RAB31: variants seen among roughly 807,000 people sequenced by gnomAD.
RAB31 encodes RAB31, member RAS oncogene family.
RAB31 carries 21 observed loss-of-function variants against 25.6 expected under a neutral mutation model. The observed-to-expected ratio is 0.82, with a 90% confidence interval of 0.58 to 1.18. The LOEUF is 1.18. RAB31 is among the 50% of genes most tolerant of loss of function. The probability of loss-of-function intolerance (pLI) is 0.00; values close to 1 mark genes in which losing one functional copy is unlikely to be tolerated. For synonymous variants in RAB31, 87 were observed against 84.0 expected (o/e 1.04, Z -0.20); for missense variants, 196 against 250.1 (o/e 0.78, Z 1.46).
At chr18:9,813,107 G>A (rs16955686) in intron 3 of RAB31, among the ~76,000 whole-genome samples, 5,566 of 152,266 alleles carry the variant, frequency 0.037, 166 homozygotes, top group East Asian at 0.08. Context: ...CCTGTCTGGG[G>A]ATGAACGATG....
At chr18:9,835,672 T>C (rs754683549) in intron 5 of RAB31, among the ~76,000 whole-genome samples, 2 of 152,340 alleles carry the variant, frequency 1.3e-5, no homozygotes, top group East Asian at 3.9e-4. Flanking sequence ...GCTTAGATCA[T>C]TGCAATGTGT....
At chr18:9,786,633 A>AACC (rs1157542048) in intron 2 of RAB31, 2 of 152,166 alleles carry the variant, frequency 1.3e-5, no homozygotes, top group Non-Finnish European at 2.9e-5. Context: ...GTGGTGGGAG[A>AACC]ACCCCCCACA....
intron 1 of RAB31, among the ~76,000 whole-genome samples, chr18:9,752,739 A>G (rs2068241799): frequency 6.6e-6 from 1 of 152,250 alleles, no homozygotes; most frequent in Non-Finnish European, 1.5e-5. Context: ...TACGCAATTT[A>G]TAAATGAATA....
At chr18:9,742,478 G>C (rs1257754076) in intron 1 of RAB31, among the ~76,000 whole-genome samples, 1 of 152,234 alleles carries the variant, frequency 6.6e-6, no homozygotes, top group African/African-American at 2.4e-5. Flanking sequence ...TGTGGGGGCT[G>C]CTTGGCTCGG....
In RAB31 at chr18:9,785,623, G is replaced by A. The variant is rs144874899; in HGVS notation, c.120-6531G>A. Among the ~76,000 whole-genome samples, 168 of 152,160 alleles carry A rather than the reference G, an allele frequency of 1.1e-3. 6 individuals carry two copies. In the East Asian group the frequency reaches 0.031, roughly 28 times the overall value. ...CCCAAGGCAGGACTCTAATCTGATC[G>A]CAGGTCATTCCAGAGAGAGTCCTGC... On this transcript the variant is annotated intron_variant, in intron 2 of 6. Coordinates refer to ENST00000578921, the MANE Select transcript of RAB31 (RefSeq NM_006868.4).
intron 3 of RAB31, 30 bp downstream of exon 3, chr18:9,792,265 A>G (rs1488163387): frequency 3.1e-6 from 5 of 1,592,476 alleles, no homozygotes; most frequent in Non-Finnish European, 4.3e-6. Flanking sequence ...TGGTGAAAAC[A>G]AGATCCAGTG....
chr18:9,800,894 A>G (rs1162974608), intron 3 of RAB31, among the ~76,000 whole-genome samples: 1 of 152,180 alleles, frequency 6.6e-6, no homozygotes, highest in Non-Finnish European at 1.5e-5. Flanking sequence ...CGAATTGTTC[A>G]ACCATCAGCA....
chr18:9,783,105 G>C (rs1388164302), intron 2 of RAB31, among the ~76,000 whole-genome samples: 1 of 152,156 alleles, frequency 6.6e-6, no homozygotes, highest in Non-Finnish European at 1.5e-5. Flanking sequence ...TGTGTGAGGT[G>C]TGCCTTCCTA....
intron 5 of RAB31, among the ~76,000 whole-genome samples, chr18:9,838,686 A>G (rs893590369): frequency 6.6e-6 from 1 of 152,154 alleles, no homozygotes; most frequent in African/African-American, 2.4e-5. Flanking sequence ...GCCCGCAAGA[A>G]TGTTGTTTCC....
intron 1 of RAB31, among the ~76,000 whole-genome samples, chr18:9,772,557 A>G (rs1778314781): frequency 1.3e-5 from 2 of 152,202 alleles, no homozygotes; most frequent in African/African-American, 4.8e-5. Context: ...GGCATGGGAA[A>G]GGGAGGGTTT....
intron 5 of RAB31, among the ~76,000 whole-genome samples, chr18:9,822,918 T>C (rs1349536028): frequency 6.6e-6 from 1 of 152,210 alleles, no homozygotes; most frequent in Non-Finnish European, 1.5e-5. Context: ...CGGGCATTTA[T>C]CCTGGAGAAA....
intron 1 of RAB31, among the ~76,000 whole-genome samples, chr18:9,771,440 T>C (rs1198981067): frequency 6.6e-6 from 1 of 152,192 alleles, no homozygotes; most frequent in East Asian, 1.9e-4. Flanking sequence ...GCCTCTCTGA[T>C]CCTGTCTCTC....
At position 9,781,368 on chromosome 18, in the gene RAB31, G is replaced by A. The variant is rs981767451; in HGVS notation, c.119+6011G>A. Among the ~76,000 whole-genome samples the A allele has an allele frequency of 8.6e-5, 13 of 152,044 alleles. 1 individual carries two copies. The highest frequency in any genetic ancestry group is 2.0e-4 in the Admixed American group (3 of 15,248). ...AGTCTTCTCTGTTGCCCATGCTGGA[G>A]CACAGTGACGCGATCTTGGCTCACT... On this transcript the variant is annotated intron_variant, in intron 2 of 6. Coordinates refer to ENST00000578921, the MANE Select transcript of RAB31 (RefSeq NM_006868.4).
At chr18:9,739,808 A>G (rs571297497) in intron 1 of RAB31, among the ~76,000 whole-genome samples, 1 of 152,278 alleles carries the variant, frequency 6.6e-6, no homozygotes, top group South Asian at 2.1e-4. Flanking sequence ...GCCACCCCTG[A>G]CTGCAAGGAA....
At chr18:9,804,370 A>G (rs2068529211) in intron 3 of RAB31, among the ~76,000 whole-genome samples, 1 of 152,070 alleles carries the variant, frequency 6.6e-6, no homozygotes, top group African/African-American at 2.4e-5. Context: ...GTAGCTTCTA[A>G]TTATGAGGCA....
Position 9,708,441 on chromosome 18 carries a change from CG to C in RAB31, c.39+1del. Reference protein sequence around the residue: ...AIRELKVCLLGDTGVGKSSIV... With the variant: ...AIRELKVCLLXDTGVGKSSIV... Reference sequence around the variant, plus strand: ...TACGGGAGCTCAAAGTGTGCCTTCTCGGGGTGAGTCCTGGCCGCCACCCGCC... The same window carrying C: ...TACGGGAGCTCAAAGTGTGCCTTCTCGGGTGAGTCCTGGCCGCCACCCGCC... On this transcript the variant is annotated frameshift_variant and splice_region_variant, in exon 1 of 7. Coordinates refer to ENST00000578921, the MANE Select transcript of RAB31 (RefSeq NM_006868.4). LOFTEE classifies it high-confidence loss of function. The surrounding 1 kb of genome is among the most constrained non-coding windows in gnomAD (Gnocchi z 6.4). 2 of 1,569,328 alleles carry C rather than the reference CG, an allele frequency of 1.3e-6. No homozygotes were observed. Among genetic ancestry groups the C allele is most frequent in the Non-Finnish European group, 1.7e-6 (2 of 1,159,454 alleles).
intron 1 of RAB31, among the ~76,000 whole-genome samples, chr18:9,733,643 G>A (rs918751380): frequency 6.6e-6 from 1 of 152,078 alleles, no homozygotes; most frequent in African/African-American, 2.4e-5. Context: ...TCCAGGATTC[G>A]GTCCACAGGT....
At chr18:9,770,252 C>G (rs748730522) in intron 1 of RAB31, among the ~76,000 whole-genome samples, 2 of 152,094 alleles carry the variant, frequency 1.3e-5, no homozygotes, top group Non-Finnish European at 2.9e-5. Flanking sequence ...GGAATAGTTT[C>G]AAAAGGAATG....
chr18:9,767,583 G>A (rs1050715689), intron 1 of RAB31, among the ~76,000 whole-genome samples: 12 of 152,140 alleles, frequency 7.9e-5, no homozygotes, highest in Non-Finnish European at 1.5e-4. Flanking sequence ...GGGCTGGGTC[G>A]AAAAGATTTT....
Sources: gnomAD v4.1 joint callset for allele counts (sites outside exome capture counted in the v4.1 genomes callset) on GRCh38, gnomAD v4.1.1 for gene constraint, Gnocchi (gnomAD v3.1) non-coding constraint, MANE v1.5 for transcripts, NCBI Gene and HGNC (gene_info 2026-07-23, HGNC 2026-07-21) for gene names.